Variants in CCDC102A observed in about 807,000 individuals in gnomAD.
The protein encoded by CCDC102A is coiled-coil domain containing 102A, also known as coiled-coil domain-containing protein 102A.
Under a neutral mutation model 55.5 loss-of-function variants are expected in CCDC102A, and 40 were observed. The ratio of observed to expected loss-of-function variants is 0.72; its 90% confidence interval spans 0.56 to 0.94. The LOEUF is 0.94. CCDC102A is among the 40% of genes least tolerant of loss of function. The probability of loss-of-function intolerance (pLI) is 0.00; values close to 1 mark genes in which losing one functional copy is unlikely to be tolerated. For missense variants in CCDC102A, 779 were observed against 768.6 expected, an observed-to-expected ratio of 1.01 and a Z score of -0.16; for synonymous variants, 323 against 339.0, an observed-to-expected ratio of 0.95 and a Z score of 0.52.
chr16:57,521,022 G>A (rs769160565), intron 4 of CCDC102A, 46 bp downstream of exon 4: 60 of 1,233,038 alleles, frequency 4.9e-5, no homozygotes, highest in Non-Finnish European at 6.6e-5. Flanking sequence ...ATTCAACAGC[G>A]CGATCCTGCC....
At position 57,529,023 on chromosome 16, in the gene CCDC102A, G is replaced by A; in HGVS notation, c.155C>T (p.Pro52Leu). The change falls in exon 2 of 9, where the codon CCG (proline) becomes CTG (leucine). Residue 52 changes from proline (P) to leucine (L), a missense_variant. Coordinates refer to ENST00000258214, the MANE Select transcript of CCDC102A (RefSeq NM_033212.4). This position sits in a 1 kb window ranked among gnomAD's most constrained non-coding sequence, Gnocchi z 4.1. ...PPSGTPSPGP[P>L]PALPLPPAPA... ...CGCGGGGGGCAGGGGCAGTGCGGGCGGCGGCCCGGGCGAGGGCGTGCCGCT... is the reference window on the plus strand; with the variant it reads ...CGCGGGGGGCAGGGGCAGTGCGGGCAGCGGCCCGGGCGAGGGCGTGCCGCT... The A allele has an allele frequency of 9.1e-7, 1 of 1,101,480 alleles. No homozygotes were observed. The highest frequency in any genetic ancestry group is 1.1e-6 in the Non-Finnish European group (1 of 904,354). The allele number at this position is 1,101,480 out of a possible 1,614,324, so 68.2% of individuals were successfully genotyped here.
In CCDC102A at chr16:57,516,568, G is replaced by A; in HGVS notation, c.1249-105C>T. ...TCAGGCAGTTCTAGGGATGCTGGGTGTCTCTCCTTCCCAGAATCTCTCCAT... is the reference window on the plus strand; with the variant it reads ...TCAGGCAGTTCTAGGGATGCTGGGTATCTCTCCTTCCCAGAATCTCTCCAT... On this transcript the variant is annotated intron_variant, in intron 6 of 8. Coordinates refer to ENST00000258214, the MANE Select transcript of CCDC102A (RefSeq NM_033212.4). The surrounding 1 kb of genome is among the most constrained non-coding windows in gnomAD (Gnocchi z 4.4). 9 of 874,618 alleles carry A rather than the reference G, an allele frequency of 1.0e-5. No individual in the cohort carries two copies. The South Asian group carries it at 1.4e-4, about 14-fold the overall frequency. 54.2% of individuals were successfully genotyped at this position (874,618 alleles called of 1,614,324 possible).
chr16:57,512,704 GT>G lies in CCDC102A; in HGVS notation c.*36del, dbSNP rs1455382292. Reference sequence around the variant, plus strand: ...GCTGGTTAGCCTGGACCCTGGGCAGGTATGGGGCGGCCCATCCTGCCCAGCC... The same window carrying G: ...GCTGGTTAGCCTGGACCCTGGGCAGGATGGGGCGGCCCATCCTGCCCAGCC... On this transcript the variant is annotated 3_prime_UTR_variant, in exon 9 of 9. Coordinates refer to ENST00000258214, the MANE Select transcript of CCDC102A (RefSeq NM_033212.4). 2 of 1,599,448 alleles carry G rather than the reference GT, an allele frequency of 1.3e-6. No homozygotes were observed. The highest frequency in any genetic ancestry group is 1.7e-6 in the Non-Finnish European group (2 of 1,172,002).
At chr16:57,533,592 T>A (rs1171645898) in intron 1 of CCDC102A, among the ~76,000 whole-genome samples, 1 of 103,214 alleles carries the variant, frequency 9.7e-6, no homozygotes, top group Non-Finnish European at 2.0e-5. Context: ...ACGCGCACAC[T>A]CACACATGGC....
rs1271801398 is a variant in CCDC102A, at chr16:57,518,723, C to A, written c.940G>T (p.Ala314Ser). The A allele has an allele frequency of 5.0e-6, 8 of 1,607,192 alleles. No individual in the cohort carries two copies. The highest frequency in any genetic ancestry group is 2.2e-5 in the East Asian group (1 of 44,612). Residue 314 changes from alanine (A) to serine (S), a missense_variant, in exon 5 of 9, where the codon GCG (alanine) becomes TCG (serine). Transcript: ENST00000258214. Reference protein sequence around the residue: ...MLKQLSILKEAHQDELGRMSE... With the variant: ...MLKQLSILKESHQDELGRMSE... Reference sequence around the variant, plus strand: ...ATGCGGCCCAGCTCGTCCTGGTGCGCCTCCTTCAGGATGCTGAGCTGCAGG... The same window carrying A: ...ATGCGGCCCAGCTCGTCCTGGTGCGACTCCTTCAGGATGCTGAGCTGCAGG...
chr16:57,522,361 C>T (rs573675606), intron 3 of CCDC102A, among the ~76,000 whole-genome samples: 1 of 152,260 alleles, frequency 6.6e-6, no homozygotes, highest in Non-Finnish European at 1.5e-5. Context: ...GGGAGGTGGT[C>T]AGGGCTCCAG....
chr16:57,515,309 T>C (rs1193961594), intron 8 of CCDC102A, 32 bp downstream of exon 8: 2 of 1,349,064 alleles, frequency 1.5e-6, no homozygotes, highest in African/African-American at 1.4e-5. Flanking sequence ...TGGAAGTCTC[T>C]GCCCTGTTTC....
chr16:57,517,545 T>C (rs1441882807), intron 6 of CCDC102A, among the ~76,000 whole-genome samples: 2 of 152,200 alleles, frequency 1.3e-5, no homozygotes. Context: ...GGTTTCGCCA[T>C]GTTAGCCAGG....
chr16:57,533,356 G>A (rs1279041113), intron 1 of CCDC102A, among the ~76,000 whole-genome samples: 1 of 151,858 alleles, frequency 6.6e-6, no homozygotes, highest in Admixed American at 6.5e-5. Flanking sequence ...CAGGAATCCT[G>A]CACTCCCACA....
rs147299726 is a variant in CCDC102A, at chr16:57,512,518, G to A, written c.*223C>T. ...GGTCCAAAGACTTCTGGGTGTGCGC[G>A]CGCGCGCGCGCGTGTGTGTATATAT... On this transcript the variant is annotated 3_prime_UTR_variant, in exon 9 of 9. Transcript: ENST00000258214. 1.2e-4 allele frequency: 56 copies of A among 459,862 alleles called. No homozygotes were observed. Among genetic ancestry groups the A allele is most frequent in the African/African-American group, 8.6e-4 (39 of 45,322 alleles). The allele number at this position is 459,862 out of a possible 1,614,324, so 28.5% of individuals were successfully genotyped here.
chr16:57,528,294 A>G (rs1199550184), intron 2 of CCDC102A, among the ~76,000 whole-genome samples: 1 of 152,142 alleles, frequency 6.6e-6, no homozygotes, highest in African/African-American at 2.4e-5. Context: ...CTCTGCTACG[A>G]ATCAGCTAAC....
chr16:57,521,040 G>A (rs2032041945), intron 4 of CCDC102A, 28 bp downstream of exon 4: 3 of 1,487,926 alleles, frequency 2.0e-6, no homozygotes, highest in Non-Finnish European at 2.8e-6. Context: ...GCCGCCTCCA[G>A]GAAGACCCTC....
intron 1 of CCDC102A, among the ~76,000 whole-genome samples, chr16:57,533,777 C>T (rs930652506): frequency 3.3e-5 from 5 of 152,122 alleles, no homozygotes; most frequent in African/African-American, 4.8e-5. Flanking sequence ...GCCCTGGTAA[C>T]GCACACACTC....
At chr16:57,530,002 G>C (rs917527251) in intron 1 of CCDC102A, among the ~76,000 whole-genome samples, 7 of 152,160 alleles carry the variant, frequency 4.6e-5, no homozygotes, top group Non-Finnish European at 2.9e-5. Context: ...AAAGAGTGGA[G>C]GTGAAGAAAA....
chr16:57,526,273 A>G, intron 2 of CCDC102A, 146 bp from the exon 3 acceptor site: 1 of 623,668 alleles, frequency 1.6e-6, no homozygotes, highest in Non-Finnish European at 2.7e-6. Flanking sequence ...CCATCTCTGG[A>G]GAAGGAAGAC....
At chr16:57,525,464 G>A (rs756643770) in intron 3 of CCDC102A, among the ~76,000 whole-genome samples, 17 of 152,016 alleles carry the variant, frequency 1.1e-4, no homozygotes, top group Non-Finnish European at 1.8e-4. Flanking sequence ...TCCAGCCCAG[G>A]CCTGTCTCAT....
At chr16:57,521,229 T>A in intron 3 of CCDC102A, 53 bp from the exon 4 acceptor site, 8 of 1,391,330 alleles carry the variant, frequency 5.7e-6, no homozygotes, top group Middle Eastern at 2.0e-4. Context: ...CTGCTTGGAG[T>A]CCTCACCAAG....
rs1294303578 is a variant in CCDC102A, at chr16:57,529,343, GT to G, written c.-147-20del. 3.1e-6 allele frequency: 3 copies of G among 958,742 alleles called. No homozygotes were observed. The highest frequency in any genetic ancestry group is 3.9e-6 in the Non-Finnish European group (3 of 771,834). The allele number at this position is 958,742 out of a possible 1,614,324, so 59.4% of individuals were successfully genotyped here. A position where few individuals can be genotyped will look rare whatever the true frequency, so the allele number is the denominator to read the frequency against. ...CTCGGACCTACGGGAGAACACAACC[GT>G]TATTGGACTGCGACCACCGTCAGTC... On this transcript the variant is annotated intron_variant, in intron 1 of 8. Coordinates refer to ENST00000258214, the MANE Select transcript of CCDC102A (RefSeq NM_033212.4). This position sits in a 1 kb window ranked among gnomAD's most constrained non-coding sequence, Gnocchi z 4.1.
chr16:57,519,494 G>A (rs2032011345), intron 4 of CCDC102A, among the ~76,000 whole-genome samples: 1 of 152,234 alleles, frequency 6.6e-6, no homozygotes, highest in Non-Finnish European at 1.5e-5. Flanking sequence ...TCTGCACACA[G>A]GTGCATCGGC....
Sources: allele counts gnomAD v4.1 joint callset (sites outside exome capture counted in the v4.1 genomes callset), GRCh38; gene constraint gnomAD v4.1.1; non-coding constraint Gnocchi (gnomAD v3.1); transcripts MANE v1.5; gene names NCBI Gene and HGNC (gene_info 2026-07-23, HGNC 2026-07-21).